RLN1: variants seen among roughly 807,000 people sequenced by gnomAD.
RLN1 encodes prorelaxin H1.
RLN1 carries 4 observed loss-of-function variants against 7.2 expected under a neutral mutation model. That is an observed-to-expected ratio of 0.56 (90% CI 0.28 to 1.28). The LOEUF is 1.28. RLN1 is among the 50% of genes most tolerant of loss of function. The pLI, the probability that RLN1 is intolerant of heterozygous loss-of-function variation, is 0.11. For missense variants in RLN1, 293 were observed against 221.1 expected (o/e 1.32, Z -2.06); for synonymous variants, 105 against 86.0 (o/e 1.22, Z -1.22).
rs1429675646 is a variant in RLN1 at position 5,339,546 on chromosome 9, T to G, written c.201A>C (p.Arg67Ser). Residue 67 changes from arginine (R) to serine (S), a missense_variant, in exon 1 of 2, where the codon AGA becomes AGC. Arg to Ser is a moderately radical substitution (Grantham distance 110, BLOSUM62 -1). Transcript: ENST00000223862. ...GGCGGGAGCTCTCACCTGCCACTGG[T>G]CTAGGTGTCTGAGGAGCATCTTCCT... ...LSQEDAPQTP[R>S]PVAEIVPSFI... 6.3e-7 allele frequency: 1 copy of G among 1,587,078 alleles called. No homozygotes were observed. The highest frequency in any genetic ancestry group is 8.5e-7 in the Non-Finnish European group (1 of 1,169,982).
Position 5,335,680 on chromosome 9 carries a change from CAA to C in RLN1, c.212-85_212-84del, listed in dbSNP as rs1816875526. 3 of 812,918 alleles carry C rather than the reference CAA, an allele frequency of 3.7e-6. No individual in the cohort carries two copies. In the Admixed American group the frequency reaches 8.2e-5, roughly 22 times the overall value. 50.4% of individuals were successfully genotyped at this position (812,918 alleles called of 1,614,324 possible). A position where few individuals can be genotyped will look rare whatever the true frequency, so the allele number is the denominator to read the frequency against. ...GAAAAACTGTGAATGTTTGCATACA[CAA>C]AGAAAAGAAAGCATTGCCTCAATAT... On this transcript the variant is annotated intron_variant, in intron 1 of 1. Coordinates refer to ENST00000223862, the MANE Select transcript of RLN1 (RefSeq NM_006911.4).
At position 5,339,751 on chromosome 9, in the gene RLN1, G is replaced by C; in HGVS notation, c.-5C>G. The stretch of plus-strand genomic sequence containing the variant: ...GAACAAGAACAGGCGAGGCATCCTG[G>C]GCCTGGTCTCTCCTGGAGGTCTGGG... On this transcript the variant is annotated 5_prime_UTR_variant, in exon 1 of 2. Transcript: ENST00000223862. 3 of 1,613,528 alleles carry C rather than the reference G, an allele frequency of 1.9e-6. No homozygotes were observed. Among genetic ancestry groups the C allele is most frequent in the Non-Finnish European group, 2.5e-6 (3 of 1,179,928 alleles).
At chr9:5,336,952 C>T (rs1473680489) in intron 1 of RLN1, among the ~76,000 whole-genome samples, 1 of 151,806 alleles carries the variant, frequency 6.6e-6, no homozygotes, top group East Asian at 1.9e-4. Context: ...CTTTTACCAA[C>T]AACAAACTTC....
intron 1 of RLN1, among the ~76,000 whole-genome samples, chr9:5,337,265 G>T (rs1816915997): frequency 6.6e-6 from 1 of 152,002 alleles, no homozygotes; most frequent in Admixed American, 6.6e-5. Context: ...TATACTTAAA[G>T]CCAGTTAAAT....
In RLN1 at chr9:5,338,186, G is replaced by A. The variant is rs1433083939; in HGVS notation, c.211+1350C>T. The stretch of plus-strand genomic sequence containing the variant: ...ATTAATGTACATTTGTCTTTAATAT[G>A]AGCATTACTACTTTTATAGTCAGAA... On this transcript the variant is annotated intron_variant, in intron 1 of 1. Transcript: ENST00000223862. Among the ~76,000 whole-genome samples the A allele has an allele frequency of 7.3e-4, 76 of 103,982 alleles. 2 individuals carry two copies. The highest frequency in any genetic ancestry group is 2.8e-3 in the African/African-American group (74 of 26,174). 68.2% of individuals were successfully genotyped at this position (103,982 alleles called of 152,430 possible). A position where few individuals can be genotyped will look rare whatever the true frequency, so the allele number is the denominator to read the frequency against.
At chr9:5,337,422 A>G (rs1380968214) in intron 1 of RLN1, among the ~76,000 whole-genome samples, 1 of 152,042 alleles carries the variant, frequency 6.6e-6, no homozygotes, top group African/African-American at 2.4e-5. Context: ...CTCAGAGAAA[A>G]TATTCTGTCT....
chr9:5,336,032 G>A (rs2181145), intron 1 of RLN1, among the ~76,000 whole-genome samples: 4 of 151,878 alleles, frequency 2.6e-5, no homozygotes, highest in African/African-American at 7.3e-5. Flanking sequence ...TAGTAACAAC[G>A]CTTGAAAAAG....
At chr9:5,340,530 A>G (rs1162757138), upstream of RLN1, among the ~76,000 whole-genome samples, 2 of 152,196 alleles carry the variant, frequency 1.3e-5, no homozygotes, top group African/African-American at 4.8e-5. Flanking sequence ...ACACAGAGAG[A>G]GAGAAAGAGA....
At position 5,335,085 on chromosome 9, in the gene RLN1, A is replaced by G. The variant is rs954145086; in HGVS notation, c.*166T>C. 1.6e-5 allele frequency: 8 copies of G among 507,580 alleles called. No individual in the cohort carries two copies. Among genetic ancestry groups the G allele is most frequent in the Non-Finnish European group, 2.4e-5 (7 of 292,750 alleles). The allele number at this position is 507,580 out of a possible 1,614,324, so 31.4% of individuals were successfully genotyped here. A position where few individuals can be genotyped will look rare whatever the true frequency, so the allele number is the denominator to read the frequency against. On this transcript the variant is annotated 3_prime_UTR_variant, in exon 2 of 2. Coordinates refer to ENST00000223862, the MANE Select transcript of RLN1 (RefSeq NM_006911.4). ...AGCATAGAAAGTGTCATTTACAGAA[A>G]CTACAATCATACAAAGAATATTTTC...
In RLN1 at chr9:5,337,592, G is replaced by A. The variant is rs573624622; in HGVS notation, c.211+1944C>T. Among the ~76,000 whole-genome samples the A allele has an allele frequency of 3.3e-5, 5 of 152,028 alleles. No individual in the cohort carries two copies. The South Asian group carries it at 8.3e-4, about 25-fold the overall frequency. On this transcript the variant is annotated intron_variant, in intron 1 of 1. Coordinates refer to ENST00000223862, the MANE Select transcript of RLN1 (RefSeq NM_006911.4). ...TGGTTATCTAACAGTGTAATAACGT[G>A]AAAGCAAGTAGCAATTACCTAACAG... is the stretch of plus-strand genomic sequence containing the variant.
At chr9:5,336,837 A>C (rs1399193792) in intron 1 of RLN1, among the ~76,000 whole-genome samples, 2 of 151,958 alleles carry the variant, frequency 1.3e-5, no homozygotes, top group African/African-American at 4.8e-5. Flanking sequence ...CTGGTTAACC[A>C]CTGATGCCTG....
In RLN1 at chr9:5,335,398, T is replaced by C; in HGVS notation, c.411A>G (p.Gln137=). The part of the protein sequence containing the change: ...EEFKKLIRNR[Q]SEAADSNPSE... ...AAGGATTGCTGTCTGCGGCTTCACTTTGCCTATTGCGAATAAGTTTCTTAA... is the reference window on the plus strand; with the variant it reads ...AAGGATTGCTGTCTGCGGCTTCACTCTGCCTATTGCGAATAAGTTTCTTAA... The change falls in exon 2 of 2, where the codon CAA becomes CAG. Residue 137 remains glutamine (Q), a synonymous_variant. Transcript: ENST00000223862. The C allele has an allele frequency of 2.5e-6, 4 of 1,613,758 alleles. No individual in the cohort carries two copies. Among genetic ancestry groups the C allele is most frequent in the Middle Eastern group, 1.7e-4 (1 of 6,058 alleles).
chr9:5,339,753 C>T lies in RLN1; in HGVS notation c.-7G>A. 1 of 1,613,480 alleles carries T rather than the reference C, an allele frequency of 6.2e-7. No homozygotes were observed. Among genetic ancestry groups the T allele is most frequent in the Non-Finnish European group, 8.5e-7 (1 of 1,179,868 alleles). On this transcript the variant is annotated 5_prime_UTR_variant, in exon 1 of 2. Coordinates refer to ENST00000223862, the MANE Select transcript of RLN1 (RefSeq NM_006911.4). The stretch of plus-strand genomic sequence containing the variant: ...ACAAGAACAGGCGAGGCATCCTGGG[C>T]CTGGTCTCTCCTGGAGGTCTGGGTG...
intron 1 of RLN1, among the ~76,000 whole-genome samples, chr9:5,337,073 C>G (rs1284274332): frequency 6.6e-6 from 1 of 152,076 alleles, no homozygotes; most frequent in African/African-American, 2.4e-5. Context: ...ACATTCTAAA[C>G]TGGAAATGAC....
intron 1 of RLN1, among the ~76,000 whole-genome samples, chr9:5,336,618 C>G (rs1174128928): frequency 2.0e-5 from 3 of 152,064 alleles, no homozygotes; most frequent in Admixed American, 6.5e-5. Context: ...AAACTCTCTC[C>G]TAACCTTAAT....
chr9:5,337,329 T>A (rs896734891), intron 1 of RLN1, among the ~76,000 whole-genome samples: 1 of 152,054 alleles, frequency 6.6e-6, no homozygotes, highest in Non-Finnish European at 1.5e-5. Flanking sequence ...GGCTGTGTGT[T>A]TTGAACTTTT....
At chr9:5,336,238 G>A (rs1252550178) in intron 1 of RLN1, among the ~76,000 whole-genome samples, 6 of 152,050 alleles carry the variant, frequency 3.9e-5, no homozygotes, top group African/African-American at 1.5e-4. Flanking sequence ...ATGAAAGAGA[G>A]AAGTGGGTTA....
At chr9:5,339,906 A>C (rs1479021879), upstream of RLN1, 8 of 711,794 alleles carry the variant, frequency 1.1e-5, no homozygotes, top group East Asian at 1.9e-4. Flanking sequence ...TCAGCTTTTA[A>C]GGCAAGGTTG....
chr9:5,339,989 C>T, upstream of RLN1: 1 of 558,644 alleles, frequency 1.8e-6, no homozygotes. Flanking sequence ...CTCCGCCCTT[C>T]CTTCATTTGC....
Sources: allele counts gnomAD v4.1 joint callset (sites outside exome capture counted in the v4.1 genomes callset), GRCh38; gene constraint gnomAD v4.1.1; transcripts MANE v1.5; gene names NCBI Gene and HGNC (gene_info 2026-07-23, HGNC 2026-07-21).